PRKACB: variants seen among roughly 807,000 people sequenced by gnomAD.
PRKACB encodes cAMP-dependent protein kinase catalytic subunit beta.
A neutral mutation model predicts 51.4 loss-of-function variants in PRKACB; 16 were observed. That is an observed-to-expected ratio of 0.31 (90% CI 0.21 to 0.47). The LOEUF is 0.47. Ranked by LOEUF, PRKACB falls within the 20% of genes least tolerant of loss-of-function variation. The pLI is 1.00. For synonymous variants in PRKACB, 147 were observed against 154.4 expected (o/e 0.95, Z 0.35); for missense variants, 309 against 464.5 (o/e 0.67, Z 3.08).
chr1:84,167,147 A>G (rs973177523), intron 1 of PRKACB, among the ~76,000 whole-genome samples: 6 of 151,490 alleles, frequency 4.0e-5, no homozygotes, highest in Non-Finnish European at 7.4e-5. Flanking sequence ...TCTCTTCTCA[A>G]TCCTATTATA....
chr1:84,204,643 A>G, intron 8 of PRKACB: 2 of 1,146,218 alleles, frequency 1.7e-6, no homozygotes, highest in Non-Finnish European at 2.3e-6. Context: ...TGGAAGAAGA[A>G]TATTTTACTA....
At chr1:84,194,281 T>C (rs1035488000) in intron 5 of PRKACB, among the ~76,000 whole-genome samples, 8 of 152,226 alleles carry the variant, frequency 5.3e-5, no homozygotes, top group African/African-American at 1.9e-4. Context: ...TACTCTTTGA[T>C]ATTGACTCTT....
At chr1:84,215,335 C>A (rs1000537719) in intron 9 of PRKACB, among the ~76,000 whole-genome samples, 1 of 152,156 alleles carries the variant, frequency 6.6e-6, no homozygotes, top group Non-Finnish European at 1.5e-5. Context: ...ACCTTTATTC[C>A]TGCCCATATG....
At chr1:84,210,874 AT>A (rs1372633614) in intron 8 of PRKACB, among the ~76,000 whole-genome samples, 1 of 152,178 alleles carries the variant, frequency 6.6e-6, no homozygotes, top group African/African-American at 2.4e-5. Context: ...AGGAAATTAC[AT>A]TTCAGGTTAA....
At chr1:84,110,700 C>T (rs1268458258) in intron 1 of PRKACB, among the ~76,000 whole-genome samples, 1 of 151,970 alleles carries the variant, frequency 6.6e-6, no homozygotes, top group Non-Finnish European at 1.5e-5. Context: ...TCACTAATTA[C>T]TTCATGTTCT....
intron 1 of PRKACB, among the ~76,000 whole-genome samples, chr1:84,171,977 C>G (rs1659660373): frequency 6.6e-6 from 1 of 151,540 alleles, no homozygotes; most frequent in Admixed American, 6.6e-5. Context: ...TGTAATAAGA[C>G]CTTTAAGGGA....
At chr1:84,186,809 A>T (rs115451416) in intron 5 of PRKACB, among the ~76,000 whole-genome samples, 1,697 of 152,176 alleles carry the variant, frequency 0.011, 42 homozygotes, top group African/African-American at 0.039. Flanking sequence ...TCAAGTAACG[A>T]GGAGGCCAGA....
chr1:84,158,595 C>T (rs1558043772), intron 1 of PRKACB, among the ~76,000 whole-genome samples: 2 of 147,514 alleles, frequency 1.4e-5, no homozygotes, highest in African/African-American at 5.0e-5. Context: ...ATATAAATAT[C>T]AAATATTTCC....
At chr1:84,231,906 G>A (rs1446431310) in intron 9 of PRKACB, among the ~76,000 whole-genome samples, 4 of 150,764 alleles carry the variant, frequency 2.7e-5, no homozygotes, top group African/African-American at 4.9e-5. Context: ...AGGGTTTTTT[G>A]TGTCTCTATT....
intron 5 of PRKACB, among the ~76,000 whole-genome samples, chr1:84,187,772 T>G (rs1345866912): frequency 1.3e-5 from 2 of 152,148 alleles, no homozygotes; most frequent in African/African-American, 4.8e-5. Context: ...TTTCTCTACA[T>G]TGATTACATA....
At chr1:84,201,929 A>T (rs957412367) in intron 7 of PRKACB, among the ~76,000 whole-genome samples, 1 of 152,090 alleles carries the variant, frequency 6.6e-6, no homozygotes, top group South Asian at 2.1e-4. Flanking sequence ...AATATGAAAA[A>T]AACAAACATA....
intron 1 of PRKACB, among the ~76,000 whole-genome samples, chr1:84,094,002 A>T (rs1161233903): frequency 6.6e-6 from 1 of 151,932 alleles, no homozygotes; most frequent in Non-Finnish European, 1.5e-5. Context: ...TTATTTATAG[A>T]TACATTTAGA....
chr1:84,145,001 A>C (rs913585267), intron 1 of PRKACB, among the ~76,000 whole-genome samples: 8 of 152,148 alleles, frequency 5.3e-5, no homozygotes, highest in Non-Finnish European at 1.0e-4. Context: ...GCATGTGAGA[A>C]AGTTATTTCA....
chr1:84,157,199 A>G (rs575589458), intron 1 of PRKACB: 3 of 152,246 alleles, frequency 2.0e-5, no homozygotes, highest in South Asian at 4.1e-4. Context: ...ATCTCTGTTT[A>G]CCACAGAGTA....
chr1:84,105,134 A>G (rs1170820013), intron 1 of PRKACB, among the ~76,000 whole-genome samples: 1 of 152,254 alleles, frequency 6.6e-6, no homozygotes, highest in East Asian at 1.9e-4. Flanking sequence ...ATAAATAACC[A>G]AAAGGTAAAT....
chr1:84,104,627 A>G (rs1429186564), intron 1 of PRKACB, among the ~76,000 whole-genome samples: 2 of 152,110 alleles, frequency 1.3e-5, no homozygotes, highest in Admixed American at 1.3e-4. Flanking sequence ...CTCTGCATCC[A>G]AAAAGACTAT....
At position 84,237,714 on chromosome 1, in the gene PRKACB, A is replaced by G. The variant is rs911128540; in HGVS notation, c.*2409A>G. 5.3e-5 allele frequency: 8 copies of G among 152,200 alleles called. No homozygotes were observed. Among genetic ancestry groups the G allele is most frequent in the African/African-American group, 1.7e-4 (7 of 41,468 alleles). The allele number at this position is 152,200 out of a possible 1,614,324, so 9.4% of individuals were successfully genotyped here. A position where few individuals can be genotyped will look rare whatever the true frequency, so the allele number is the denominator to read the frequency against. On this transcript the variant is annotated 3_prime_UTR_variant, in exon 10 of 10. Coordinates refer to ENST00000370685, the MANE Select transcript of PRKACB (RefSeq NM_182948.4). Reference sequence around the variant, plus strand: ...CTTGAATAAGAAGTAAGTAGCATAAATCAGTATTTAACCTAAAATTACATA... The same window carrying G: ...CTTGAATAAGAAGTAAGTAGCATAAGTCAGTATTTAACCTAAAATTACATA...
intron 1 of PRKACB, among the ~76,000 whole-genome samples, chr1:84,082,527 A>G: frequency 6.6e-6 from 1 of 152,174 alleles, no homozygotes; most frequent in Admixed American, 6.5e-5. Flanking sequence ...TTGTAAATGT[A>G]TACTTTTCCC....
intron 1 of PRKACB, chr1:84,173,309 G>A (rs1334441538): frequency 6.4e-6 from 10 of 1,557,380 alleles, no homozygotes; most frequent in African/African-American, 1.4e-5. Context: ...TTTAATCTCT[G>A]TTTATTCTTT....
Sources: gnomAD v4.1 joint callset for allele counts (sites outside exome capture counted in the v4.1 genomes callset) on GRCh38, gnomAD v4.1.1 for gene constraint, MANE v1.5 for transcripts, NCBI Gene and HGNC (gene_info 2026-07-23, HGNC 2026-07-21) for gene names.